Variants in UBAP2 observed in about 807,000 individuals in gnomAD.
UBAP2 encodes ubiquitin-associated protein 2.
Under a neutral mutation model 139.6 loss-of-function variants are expected in UBAP2, and 75 were observed. The ratio of observed to expected loss-of-function variants is 0.54; its 90% CI spans 0.45 to 0.65. The LOEUF is 0.65. UBAP2 is among the 30% of genes least tolerant of loss of function. UBAP2 has a pLI of 0.00. For synonymous variants in UBAP2, 526 were observed against 526.2 expected (o/e 1.00, Z 0.01); for missense variants, 1,368 against 1,369.6 (o/e 1.00, Z 0.02).
intron 2 of UBAP2, among the ~76,000 whole-genome samples, chr9:34,016,370 C>CGGCGGCGGCGGCGGCGGCGGCGGT (rs1321174650): frequency 1.1e-5 from 1 of 93,690 alleles, no homozygotes; most frequent in Admixed American, 1.2e-4. Flanking sequence ...GCGGCAGCGG[C>CGGCGGCGGCGGCGGCGGCGGCGGT]GGTGGTGGTG....
At chr9:33,941,999 T>C (rs1395912197) in intron 15 of UBAP2, 137 bp from the exon 16 acceptor site, 6 of 645,326 alleles carry the variant, frequency 9.3e-6, no homozygotes, top group Non-Finnish European at 1.3e-5. Context: ...CTAATTTAAC[T>C]GAGAGATAGG....
chr9:33,971,686 CA>C lies in UBAP2; in HGVS notation c.643del (p.Trp215GlyfsTer21). 1 of 1,612,968 alleles carries C rather than the reference CA, an allele frequency of 6.2e-7. No individual in the cohort carries two copies. The highest frequency in any genetic ancestry group is 8.5e-7 in the Non-Finnish European group (1 of 1,178,914). On this transcript the variant is annotated frameshift_variant, in exon 8 of 29. Coordinates refer to ENST00000379238, the MANE Select transcript of UBAP2 (RefSeq NM_001370062.2). LOFTEE classifies it high-confidence loss of function. ...TDVCGTKLVV[W>X]EAAQNGADEG... ...ATCTGCACCATTCTGAGCAGCTTCC[CA>C]AACTACTAGCTTTGTCCCACACACA...
At chr9:34,013,176 AG>A (rs1823920217) in intron 2 of UBAP2, among the ~76,000 whole-genome samples, 1 of 133,502 alleles carries the variant, frequency 7.5e-6, no homozygotes, top group Non-Finnish European at 1.6e-5. Flanking sequence ...AAAAAAAAAG[AG>A]GTTAAAGGAG....
At position 33,935,647 on chromosome 9, in the gene UBAP2, CCTT is replaced by C. The variant is rs1484740956; in HGVS notation, c.1969+189_1969+191del. The C allele has an allele frequency of 7.7e-6, 5 of 646,426 alleles. No homozygotes were observed. In the East Asian group the frequency reaches 1.1e-4, roughly 14 times the overall value. 40.0% of individuals were successfully genotyped at this position (646,426 alleles called of 1,614,324 possible). ...GCAGAAGAATATGAGACCACCACCT[CCTT>C]CTTGCTGTGGTTAAGACATTTCTAA... On this transcript the variant is annotated intron_variant, in intron 17 of 28. Coordinates refer to ENST00000379238, the MANE Select transcript of UBAP2 (RefSeq NM_001370062.2).
chr9:34,048,610 G>A (rs1023717360), intron 1 of UBAP2, among the ~76,000 whole-genome samples: 1 of 152,126 alleles, frequency 6.6e-6, no homozygotes, highest in Non-Finnish European at 1.5e-5. Context: ...AGAAGCACAG[G>A]GCAACGTGAG....
intron 19 of UBAP2, among the ~76,000 whole-genome samples, chr9:33,929,192 C>T (rs866718213): frequency 7.2e-5 from 11 of 152,198 alleles, no homozygotes; most frequent in Middle Eastern, 3.2e-3. Flanking sequence ...GACCAGTGCT[C>T]GCAAGTGTAC....
chr9:33,926,514 A>C, intron 22 of UBAP2, 103 bp downstream of exon 22: 2 of 1,276,030 alleles, frequency 1.6e-6, no homozygotes, highest in Non-Finnish European at 2.3e-6. Flanking sequence ...TTCCTCAGGC[A>C]GAGGATCCTA....
At chr9:34,029,328 G>C (rs1247425270) in intron 1 of UBAP2, among the ~76,000 whole-genome samples, 1 of 151,868 alleles carries the variant, frequency 6.6e-6, no homozygotes, top group Non-Finnish European at 1.5e-5. Context: ...AAGAGTTTGA[G>C]ACCAGCCTGG....
intron 2 of UBAP2, among the ~76,000 whole-genome samples, chr9:34,013,379 G>A (rs986847624): frequency 1.4e-4 from 21 of 151,862 alleles, no homozygotes; most frequent in African/African-American, 4.6e-4. Flanking sequence ...GTGAAACCCC[G>A]TCTCTACCAA....
chr9:33,995,923 C>G (rs763809429), intron 4 of UBAP2: 1 of 257,680 alleles, frequency 3.9e-6, no homozygotes, highest in Non-Finnish European at 7.3e-6. Context: ...GCAACAGAGC[C>G]AAGAGATGCT....
At chr9:33,933,885 A>G (rs1023210499) in intron 17 of UBAP2, among the ~76,000 whole-genome samples, 3 of 152,132 alleles carry the variant, frequency 2.0e-5, no homozygotes, top group Non-Finnish European at 4.4e-5. Context: ...TTATAACCCA[A>G]CCTATCCTAT....
chr9:33,955,999 A>G, intron 11 of UBAP2, 80 bp downstream of exon 11: 1 of 1,173,138 alleles, frequency 8.5e-7, no homozygotes, highest in Non-Finnish European at 1.2e-6. Flanking sequence ...AAGAGACCCA[A>G]AAATGAAAAT....
chr9:33,948,060 C>G (rs1825794583), intron 13 of UBAP2, among the ~76,000 whole-genome samples: 1 of 151,336 alleles, frequency 6.6e-6, no homozygotes, highest in African/African-American at 2.4e-5. Context: ...TAAGAGAGCT[C>G]AGAAAATTCT....
At chr9:34,019,227 A>AC (rs1415962213) in intron 1 of UBAP2, among the ~76,000 whole-genome samples, 2 of 152,058 alleles carry the variant, frequency 1.3e-5, no homozygotes, top group African/African-American at 4.8e-5. Context: ...ACATGGTGAA[A>AC]CCCCGTCTCT....
chr9:33,985,290 G>A (rs1450390395), intron 6 of UBAP2, among the ~76,000 whole-genome samples: 1 of 152,064 alleles, frequency 6.6e-6, no homozygotes, highest in African/African-American at 2.4e-5. Flanking sequence ...ATCAAGTTGA[G>A]GTATTTAGGA....
chr9:34,017,348 T>C (rs572001009), intron 1 of UBAP2, among the ~76,000 whole-genome samples, 159 bp from the exon 2 acceptor site: 2 of 152,354 alleles, frequency 1.3e-5, no homozygotes, highest in South Asian at 4.1e-4. Flanking sequence ...TGGTATCTGT[T>C]AAACCAATTC....
At position 33,996,209 on chromosome 9, in the gene UBAP2, T is replaced by C. The variant is rs148870398; in HGVS notation, c.288+14A>G. On this transcript the variant is annotated intron_variant, in intron 4 of 28. Coordinates refer to ENST00000379238, the MANE Select transcript of UBAP2 (RefSeq NM_001370062.2). ...GACAAATGTAAACAATGCAAATCAA[T>C]TAATAATACTTACTGTGTCTGAATT... 1.6e-5 allele frequency: 25 copies of C among 1,580,104 alleles called. No homozygotes were observed. In the East Asian group the frequency reaches 5.6e-4, roughly 35 times the overall value.
intron 1 of UBAP2, among the ~76,000 whole-genome samples, chr9:34,043,798 CTT>C (rs548646218): frequency 2.8e-5 from 4 of 143,344 alleles, no homozygotes; most frequent in Non-Finnish European, 3.0e-5. Flanking sequence ...CAGGCTCCAA[CTT>C]TTTTTTTTTT....
At chr9:33,962,135 G>A (rs773977717) in intron 9 of UBAP2, among the ~76,000 whole-genome samples, 6 of 151,838 alleles carry the variant, frequency 4.0e-5, no homozygotes, top group Non-Finnish European at 7.4e-5. Context: ...GGGATATAAA[G>A]GAAAATTTCC....
Sources: allele counts gnomAD v4.1 joint callset (sites outside exome capture counted in the v4.1 genomes callset), GRCh38; gene constraint gnomAD v4.1.1; transcripts MANE v1.5; gene names NCBI Gene and HGNC (gene_info 2026-07-23, HGNC 2026-07-21).